The following COCH variants were observed in gnomAD, a reference collection of about 807,000 sequenced individuals.
The protein encoded by COCH is coagulation factor C homolog, cochlin (Limulus polyphemus).
COCH carries 40 observed loss-of-function variants against 54.8 expected under a neutral mutation model. The observed-to-expected ratio is 0.73, with a 90% CI of 0.57 to 0.95. The LOEUF is 0.95. Among genes scored for constraint, COCH ranks in the 40% least tolerant of loss-of-function variants. COCH has a pLI of 0.00. For synonymous variants in COCH, 256 were observed against 237.9 expected (o/e 1.08, Z -0.70); for missense variants, 605 against 675.0 (o/e 0.90, Z 1.15).
At chr14:30,894,582 C>T (rs1896077108), downstream of COCH, 1 of 153,122 alleles carries the variant, frequency 6.5e-6, no homozygotes, top group South Asian at 2.1e-4. Flanking sequence ...CTAAACCCCA[C>T]TGTTTCATTT....
chr14:30,884,020 T>A (rs776526934), intron 8 of COCH, among the ~76,000 whole-genome samples: 3 of 152,118 alleles, frequency 2.0e-5, no homozygotes, highest in African/African-American at 4.8e-5. Flanking sequence ...GCCTCTGGGG[T>A]CCCACACTGG....
chr14:30,874,847 G>C, intron 1 of COCH, 69 bp from the exon 2 acceptor site: 1 of 1,439,886 alleles, frequency 6.9e-7, no homozygotes, highest in African/African-American at 1.4e-5. Context: ...GAAGGGTGCG[G>C]GGCTCTGAGG....
At position 30,876,976 on chromosome 14, in the gene COCH, T is replaced by A. The variant is rs547177235; in HGVS notation, c.83-596T>A. Reference sequence around the variant, plus strand: ...ACCACGTGTGGCCATTTAAAAAAAATTTTTTTTTTTTAGAAGAGATGAGGT... The same window carrying A: ...ACCACGTGTGGCCATTTAAAAAAAAATTTTTTTTTTTAGAAGAGATGAGGT... On this transcript the variant is annotated intron_variant, in intron 3 of 11. Transcript: ENST00000396618. Among the ~76,000 whole-genome samples the A allele has an allele frequency of 3.5e-3, 514 of 146,206 alleles. 1 individual carries two copies. The highest frequency in any genetic ancestry group is 0.012 in the African/African-American group (465 of 39,762).
Position 30,885,575 on chromosome 14 carries a change from C to A in COCH, c.915C>A (p.Ile305=). The A allele has an allele frequency of 1.2e-6, 2 of 1,611,550 alleles. No homozygotes were observed. Among genetic ancestry groups the A allele is most frequent in the Non-Finnish European group, 1.7e-6 (2 of 1,177,680 alleles). The part of the protein sequence containing the change: ...NVFIVSVAKP[I]PEELGMVQDV... ...TTATAGTTTCTGTGGCCAAGCCTAT[C>A]CCTGAAGAACTGGGGATGGTTCAGG... The change falls in exon 10 of 12, where the codon ATC becomes ATA. Residue 305 remains isoleucine (I), a synonymous_variant. Coordinates refer to ENST00000396618, the MANE Select transcript of COCH (RefSeq NM_004086.3).
chr14:30,892,116 G>A (rs1229957370), downstream of COCH, among the ~76,000 whole-genome samples: 2 of 152,096 alleles, frequency 1.3e-5, no homozygotes, highest in East Asian at 3.8e-4. Context: ...ATTTAATAGT[G>A]AAATTAATCT....
chr14:30,884,743 G>A lies in COCH; in HGVS notation c.733+87G>A, dbSNP rs1895723055. On this transcript the variant is annotated intron_variant, in intron 9 of 11. Transcript: ENST00000396618. ...AAAACAGTATTATGCTATTTTATAT[G>A]AGCAGATGTGAAATCCTCCTGGAAC... The A allele has an allele frequency of 1.2e-5, 15 of 1,284,040 alleles. No individual in the cohort carries two copies. The East Asian group carries it at 3.3e-4, about 29-fold the overall frequency. The allele number at this position is 1,284,040 out of a possible 1,614,324, so 79.5% of individuals were successfully genotyped here.
chr14:30,890,536 A>G lies in COCH; in HGVS notation c.*745A>G, dbSNP rs1404874345. On this transcript the variant is annotated 3_prime_UTR_variant, in exon 12 of 12. Transcript: ENST00000396618. ...TTACTGACTGCTTATAAACATTTAA[A>G]GACAAAGACATTTCAAATAACTGCA... The G allele has an allele frequency of 1.1e-6, 1 of 945,204 alleles. No homozygotes were observed. Among genetic ancestry groups the G allele is most frequent in the Non-Finnish European group, 1.3e-6 (1 of 793,172 alleles). 58.6% of individuals were successfully genotyped at this position (945,204 alleles called of 1,614,324 possible).
intron 11 of COCH, among the ~76,000 whole-genome samples, chr14:30,886,817 A>G (rs1286880207): frequency 6.6e-6 from 1 of 152,174 alleles, no homozygotes; most frequent in African/African-American, 2.4e-5. Context: ...TATTGGGCTC[A>G]AGCAATCCTC....
At chr14:30,882,428 C>A (rs915306125) in intron 8 of COCH, among the ~76,000 whole-genome samples, 1 of 151,968 alleles carries the variant, frequency 6.6e-6, no homozygotes, top group African/African-American at 2.4e-5. Flanking sequence ...CCACGCCTGG[C>A]CCCTTCAGTA....
intron 11 of COCH, among the ~76,000 whole-genome samples, chr14:30,888,854 A>AT (rs1461965493): frequency 6.6e-6 from 1 of 152,042 alleles, no homozygotes; most frequent in Non-Finnish European, 1.5e-5. Context: ...GAATCCAACT[A>AT]ATGTATTATT....
intron 11 of COCH, among the ~76,000 whole-genome samples, chr14:30,887,209 C>T (rs1167255889): frequency 6.6e-6 from 1 of 151,994 alleles, no homozygotes; most frequent in African/African-American, 2.4e-5. Flanking sequence ...GCCGGGCCAA[C>T]ATGGTAAAAC....
In COCH at chr14:30,877,751, G is replaced by A. The variant is rs761875178; in HGVS notation, c.239+23G>A. 105 of 1,613,864 alleles carry A rather than the reference G, an allele frequency of 6.5e-5. No individual in the cohort carries two copies. The highest frequency in any genetic ancestry group is 8.2e-5 in the Non-Finnish European group (97 of 1,180,028). On this transcript the variant is annotated intron_variant, in intron 4 of 11. Transcript: ENST00000396618. The surrounding 1 kb of genome is among the most constrained non-coding windows in gnomAD (Gnocchi z 8.6). ...CAGGTAAGCCCAAACACACCAGGGTGGGAGAGAAATGCAGACGTGATTATT... is the reference window on the plus strand; with the variant it reads ...CAGGTAAGCCCAAACACACCAGGGTAGGAGAGAAATGCAGACGTGATTATT...
At chr14:30,875,322 G>T in intron 3 of COCH, 2 of 653,034 alleles carry the variant, frequency 3.1e-6, no homozygotes, top group East Asian at 2.7e-5. Flanking sequence ...GGGGTCCAGT[G>T]GGGGGACGTT....
In COCH at chr14:30,874,986, C is replaced by T; in HGVS notation, c.34+14C>T. The stretch of plus-strand genomic sequence containing the variant: ...CTCTCGGCCTCGGTGGGTGCGCGCC[C>T]CTCACGACCCCGGCCCCTTGCTCCG... On this transcript the variant is annotated intron_variant, in intron 2 of 11. Transcript: ENST00000396618. 1 of 1,613,254 alleles carries T rather than the reference C, an allele frequency of 6.2e-7. No individual in the cohort carries two copies. Among genetic ancestry groups the T allele is most frequent in the Non-Finnish European group, 8.5e-7 (1 of 1,179,864 alleles).
rs756473964 is a variant in COCH, at chr14:30,886,085, C to T, written c.1250C>T (p.Thr417Met). 30 of 1,614,200 alleles carry T rather than the reference C, an allele frequency of 1.9e-5. No individual in the cohort carries two copies. The highest frequency in any genetic ancestry group is 5.5e-5 in the South Asian group (5 of 91,078). ...AAVQFTYDQR[T>M]EFSFTDYSTK... ...GTACAGTTTACTTATGATCAGCGCA[C>T]GGAGTTCAGTTTCACTGACTATAGC... The change falls in exon 11 of 12, where the codon ACG (threonine) becomes ATG (methionine). Residue 417 changes from threonine (T) to methionine (M), a missense_variant. Physicochemically the swap from Thr to Met is moderately conservative, Grantham distance 81. Coordinates refer to ENST00000396618, the MANE Select transcript of COCH (RefSeq NM_004086.3).
chr14:30,881,130 A>C (rs764838368), intron 8 of COCH, among the ~76,000 whole-genome samples: 18 of 150,594 alleles, frequency 1.2e-4, no homozygotes, highest in Middle Eastern at 3.4e-3. Context: ...CAGGAGAATC[A>C]CTTGGACTCG....
intron 8 of COCH, among the ~76,000 whole-genome samples, chr14:30,882,002 T>C (rs2138858118): frequency 6.6e-6 from 1 of 150,684 alleles, no homozygotes; most frequent in South Asian, 2.1e-4. Context: ...AATAAATATT[T>C]ATTTATTAAT....
downstream of COCH, among the ~76,000 whole-genome samples, chr14:30,891,617 T>C (rs1212024676): frequency 6.6e-6 from 1 of 152,200 alleles, no homozygotes; most frequent in Non-Finnish European, 1.5e-5. Context: ...AAAACTGGGT[T>C]TAGCATAGTA....
Position 30,890,232 on chromosome 14 carries a change from T to C in COCH, c.*441T>C. ...ACACAGCTCTTTAACATGGTTCAGG[T>C]ACACATATTTTGACCCAAGTGGATA... On this transcript the variant is annotated 3_prime_UTR_variant, in exon 12 of 12. Transcript: ENST00000396618. 1 of 987,426 alleles carries C rather than the reference T, an allele frequency of 1.0e-6. No homozygotes were observed. The highest frequency in any genetic ancestry group is 1.2e-6 in the Non-Finnish European group (1 of 831,176). The allele number at this position is 987,426 out of a possible 1,614,324, so 61.2% of individuals were successfully genotyped here. A position where few individuals can be genotyped will look rare whatever the true frequency, so the allele number is the denominator to read the frequency against.
Sources: allele counts gnomAD v4.1 joint callset (sites outside exome capture counted in the v4.1 genomes callset), GRCh38; gene constraint gnomAD v4.1.1; non-coding constraint Gnocchi (gnomAD v3.1); transcripts MANE v1.5; gene names NCBI Gene and HGNC (gene_info 2026-07-23, HGNC 2026-07-21).